Variants in PCDHA7 observed in about 807,000 individuals in gnomAD.
PCDHA7 encodes protocadherin alpha 7.
PCDHA7 carries 37 observed loss-of-function variants against 57.2 expected under a neutral mutation model. The observed-to-expected ratio is 0.65, with a 90% CI of 0.50 to 0.85. PCDHA7 has a LOEUF of 0.85. Among genes scored for constraint, PCDHA7 ranks in the 40% least tolerant of loss-of-function variants. PCDHA7 has a pLI of 0.00. For missense variants in PCDHA7, 1,188 were observed against 1,241.8 expected (o/e 0.96, Z 0.65); for synonymous variants, 553 against 558.8 (o/e 0.99, Z 0.15).
At chr5:140,911,168 T>C (rs1315264734) in intron 1 of PCDHA7, among the ~76,000 whole-genome samples, 1 of 152,190 alleles carries the variant, frequency 6.6e-6, no homozygotes, top group Non-Finnish European at 1.5e-5. Context: ...GTGGAAAGGC[T>C]GATGGCAGTG....
At chr5:140,966,851 C>T (rs782524148) in intron 1 of PCDHA7, 15 of 1,573,232 alleles carry the variant, frequency 9.5e-6, no homozygotes, top group Middle Eastern at 1.7e-4. Context: ...ACTGCCTCTC[C>T]TGCTGCTGTT....
Position 140,849,815 on chromosome 5 carries a change from G to A in PCDHA7, c.2355+13077G>A, listed in dbSNP as rs2150451415. On this transcript the variant is annotated intron_variant, in intron 1 of 3. Transcript: ENST00000525929. ...CGCCTTCACTGTGGGCCACGGCCAGGGTGTCTGTGGAGGTGGCCGACGTGA... is the reference window on the plus strand; with the variant it reads ...CGCCTTCACTGTGGGCCACGGCCAGAGTGTCTGTGGAGGTGGCCGACGTGA... 1.8e-4 allele frequency: 280 copies of A among 1,598,402 alleles called. 16 individuals carry two copies. In the South Asian group the frequency reaches 3.0e-3, roughly 17 times the overall value.
chr5:140,995,073 CA>C (rs537697820), intron 3 of PCDHA7, among the ~76,000 whole-genome samples: 319 of 152,298 alleles, frequency 2.1e-3, no homozygotes, highest in African/African-American at 7.3e-3. Flanking sequence ...CAACCTACAG[CA>C]ATCCAAACTT....
chr5:140,871,291 G>C, intron 1 of PCDHA7: 1 of 1,613,906 alleles, frequency 6.2e-7, no homozygotes, highest in Non-Finnish European at 8.5e-7. Flanking sequence ...CACTGAGGGC[G>C]CGTGCGCGCC....
At chr5:140,842,908 G>A (rs2150347706) in intron 1 of PCDHA7, 9 of 1,594,496 alleles carry the variant, frequency 5.6e-6, no homozygotes, top group African/African-American at 1.3e-5. Flanking sequence ...AGGAGCTAGA[G>A]CTGCTGCAGT....
At chr5:140,870,425 C>T (rs531014522) in intron 1 of PCDHA7, 19 of 1,614,072 alleles carry the variant, frequency 1.2e-5, no homozygotes, top group Non-Finnish European at 1.5e-5. Context: ...GCCAGGGTAT[C>T]CGTGGAGGTG....
chr5:140,944,346 C>A (rs2093644964), intron 1 of PCDHA7, among the ~76,000 whole-genome samples: 2 of 152,130 alleles, frequency 1.3e-5, no homozygotes, highest in African/African-American at 4.8e-5. Flanking sequence ...TGCCACCACA[C>A]CTGGCTAATT....
In PCDHA7 at chr5:140,869,220, C is replaced by T. The variant is rs184355295; in HGVS notation, c.2355+32482C>T. 1,109 of 1,613,836 alleles carry T rather than the reference C, an allele frequency of 6.9e-4. 5 individuals are homozygous for T. The African/African-American group carries it at 0.013, about 19-fold the overall frequency. On this transcript the variant is annotated intron_variant, in intron 1 of 3. Coordinates refer to ENST00000525929, the MANE Select transcript of PCDHA7 (RefSeq NM_018910.3). ...TCCACTACTCCGTCTCGGAGGAGGC[C>T]AAACACGGCACCTTCGTGGGCCGCA...
chr5:140,856,816 C>T (rs2044218457), intron 1 of PCDHA7: 2 of 1,593,576 alleles, frequency 1.3e-6, no homozygotes, highest in Admixed American at 1.7e-5. Flanking sequence ...ATCAAGTGAA[C>T]CAAACATTAG....
intron 1 of PCDHA7, among the ~76,000 whole-genome samples, chr5:140,933,853 A>G (rs192647657): frequency 6.6e-6 from 1 of 151,684 alleles, no homozygotes; most frequent in Non-Finnish European, 1.5e-5. Flanking sequence ...TGTACCTTTA[A>G]TTTTTTCAGA....
At chr5:140,841,219 G>T in intron 1 of PCDHA7, 1 of 1,437,982 alleles carries the variant, frequency 7.0e-7, no homozygotes, top group South Asian at 1.4e-5. Context: ...TCTAAAGGCC[G>T]AACAACGGGA....
intron 1 of PCDHA7, among the ~76,000 whole-genome samples, chr5:140,922,848 C>T (rs1345344826): frequency 2.6e-5 from 4 of 151,962 alleles, no homozygotes; most frequent in African/African-American, 9.7e-5. Flanking sequence ...TCAAAGAGAC[C>T]AAATACATAG....
At chr5:140,963,594 C>G (rs549697848) in intron 1 of PCDHA7, among the ~76,000 whole-genome samples, 1 of 152,258 alleles carries the variant, frequency 6.6e-6, no homozygotes, top group South Asian at 2.1e-4. Flanking sequence ...GGATATAGTT[C>G]TAGACGTAAT....
In PCDHA7 at chr5:140,850,172, C is replaced by A. The variant is rs2150470572; in HGVS notation, c.2355+13434C>A. 55 of 1,594,266 alleles carry A rather than the reference C, an allele frequency of 3.4e-5. 7 individuals are homozygous for A. Among genetic ancestry groups the A allele is most frequent in the Non-Finnish European group, 4.5e-5 (52 of 1,167,736 alleles). ...TGCAGGTGTTCGTGCTGGACGAGAA[C>A]GACAATGCGCCGGCGCTGCTGACAC... is the stretch of plus-strand genomic sequence containing the variant. On this transcript the variant is annotated intron_variant, in intron 1 of 3. Transcript: ENST00000525929.
At chr5:140,877,925 T>C in intron 1 of PCDHA7, 1 of 1,421,700 alleles carries the variant, frequency 7.0e-7, no homozygotes, top group Non-Finnish European at 9.2e-7. Flanking sequence ...TTTTTCTTTA[T>C]GATTCTATCC....
chr5:140,965,229 C>A (rs1554227498), intron 1 of PCDHA7, among the ~76,000 whole-genome samples: 1 of 152,124 alleles, frequency 6.6e-6, no homozygotes, highest in Non-Finnish European at 1.5e-5. Context: ...AATGTGAGAA[C>A]CTGGGAAGAG....
intron 1 of PCDHA7, among the ~76,000 whole-genome samples, chr5:140,898,149 C>T (rs552851488): frequency 4.6e-4 from 70 of 152,244 alleles, no homozygotes; most frequent in African/African-American, 1.6e-3. Flanking sequence ...TGCCTGTTCA[C>T]GCTGATGGTG....
At chr5:140,974,827 G>T (rs1356890991) in intron 1 of PCDHA7, among the ~76,000 whole-genome samples, 1 of 152,182 alleles carries the variant, frequency 6.6e-6, no homozygotes. Context: ...GCAACATAAT[G>T]ATTATTTTAA....
intron 1 of PCDHA7, chr5:140,968,901 T>A (rs1321022294): frequency 6.2e-7 from 1 of 1,614,106 alleles, no homozygotes; most frequent in Non-Finnish European, 8.5e-7. Flanking sequence ...ATAATAGCAT[T>A]AAGCACAGTG....
Sources: gnomAD v4.1 joint callset for allele counts (sites outside exome capture counted in the v4.1 genomes callset) on GRCh38, gnomAD v4.1.1 for gene constraint, MANE v1.5 for transcripts, NCBI Gene and HGNC (gene_info 2026-07-23, HGNC 2026-07-21) for gene names.